Variants in NOVA1 observed in about 807,000 individuals in gnomAD.
NOVA1 encodes RNA-binding protein Nova-1.
A neutral mutation model predicts 38.0 loss-of-function variants in NOVA1; 7 were observed. The observed-to-expected ratio is 0.18, with a 90% CI of 0.10 to 0.35. The LOEUF (loss-of-function observed/expected upper bound fraction) is 0.35, where lower values mean the gene tolerates loss of function less well. Ranked by LOEUF, NOVA1 falls within the 10% of genes least tolerant of loss-of-function variation. The pLI is 1.00. For synonymous variants in NOVA1, 270 were observed against 232.5 expected, an observed-to-expected ratio of 1.16 and a Z score of -1.47; for missense variants, 460 against 616.0, an observed-to-expected ratio of 0.75 and a Z score of 2.68.
intron 2 of NOVA1, among the ~76,000 whole-genome samples, chr14:26,585,972 T>G (rs756342565): frequency 6.6e-6 from 1 of 151,442 alleles, no homozygotes; most frequent in Non-Finnish European, 1.5e-5. Flanking sequence ...CATGAGCACT[T>G]CACAGAAGAA....
At chr14:26,556,672 C>T (rs1426619845) in intron 2 of NOVA1, among the ~76,000 whole-genome samples, 1 of 152,080 alleles carries the variant, frequency 6.6e-6, no homozygotes, top group Non-Finnish European at 1.5e-5. Context: ...AAAATTAAAA[C>T]TTCTGCTCTG....
At chr14:26,555,933 CAAT>C (rs1401884232) in intron 2 of NOVA1, among the ~76,000 whole-genome samples, 21 of 152,104 alleles carry the variant, frequency 1.4e-4, no homozygotes, top group Admixed American at 1.0e-3. Flanking sequence ...AGAAAAAGTT[CAAT>C]ATAAAACTAA....
At chr14:26,513,019 T>TC (rs61571678) in intron 2 of NOVA1, among the ~76,000 whole-genome samples, 9,079 of 152,064 alleles carry the variant, frequency 0.06, 780 homozygotes, top group African/African-American at 0.19. Flanking sequence ...TAGAAATGTA[T>TC]ATACATACTT....
chr14:26,532,874 T>C (rs889666441), intron 2 of NOVA1, among the ~76,000 whole-genome samples: 1 of 152,214 alleles, frequency 6.6e-6, no homozygotes, highest in Non-Finnish European at 1.5e-5. Flanking sequence ...AGTGAAGATG[T>C]ACTAAAAACA....
intron 2 of NOVA1, among the ~76,000 whole-genome samples, chr14:26,547,319 TAAACA>T (rs1456677848): frequency 2.6e-5 from 4 of 152,038 alleles, no homozygotes; most frequent in African/African-American, 9.7e-5. Flanking sequence ...CTAAATAAAC[TAAACA>T]AATGTTCCAA....
At chr14:26,455,623 C>T (rs916082842) in intron 4 of NOVA1, among the ~76,000 whole-genome samples, 5 of 151,864 alleles carry the variant, frequency 3.3e-5, no homozygotes, top group Non-Finnish European at 5.9e-5. Flanking sequence ...TTTCACTTTG[C>T]TCCTGAAACA....
At chr14:26,500,966 C>T (rs1432820005) in intron 2 of NOVA1, among the ~76,000 whole-genome samples, 1 of 151,930 alleles carries the variant, frequency 6.6e-6, no homozygotes, top group Non-Finnish European at 1.5e-5. Flanking sequence ...CAGTGCTCAT[C>T]AGCAGATTAA....
intron 2 of NOVA1, among the ~76,000 whole-genome samples, chr14:26,533,629 A>G (rs1889873260): frequency 6.6e-6 from 1 of 152,168 alleles, no homozygotes; most frequent in Non-Finnish European, 1.5e-5. Context: ...TGCTGCCTGT[A>G]TTCATGAGGA....
intron 4 of NOVA1, 133 bp downstream of exon 4, chr14:26,472,187 G>A: frequency 1.6e-6 from 1 of 620,054 alleles, no homozygotes; most frequent in Non-Finnish European, 3.0e-6. Context: ...TCTTTCTTAG[G>A]TTATTTGGAA....
chr14:26,567,517 A>T (rs1892209932), intron 2 of NOVA1, among the ~76,000 whole-genome samples: 1 of 151,952 alleles, frequency 6.6e-6, no homozygotes, highest in African/African-American at 2.4e-5. Flanking sequence ...GCTGGTCTCG[A>T]ACTCCTGGAC....
At chr14:26,504,933 C>T (rs1263423725) in intron 2 of NOVA1, among the ~76,000 whole-genome samples, 1 of 152,074 alleles carries the variant, frequency 6.6e-6, no homozygotes, top group African/African-American at 2.4e-5. Flanking sequence ...CTCTCTCTTC[C>T]TTAACTTGTG....
rs761407357 is a variant in NOVA1 at position 26,585,389 on chromosome 14, T to C, written c.280+10021A>G. Among the ~76,000 whole-genome samples, 291 of 151,272 alleles carry C rather than the reference T, an allele frequency of 1.9e-3. 2 individuals carry two copies. The highest frequency in any genetic ancestry group is 3.6e-3 in the Non-Finnish European group (241 of 67,386). On this transcript the variant is annotated intron_variant, in intron 2 of 4. Coordinates refer to ENST00000539517, the MANE Select transcript of NOVA1 (RefSeq NM_002515.3). ...TTTCTTGGCACATTAGAAAAGTAAA[T>C]TGTCCAGTTTCTCAATGTAACAATG... is the stretch of plus-strand genomic sequence containing the variant.
chr14:26,539,343 A>T (rs1271478094), intron 2 of NOVA1, among the ~76,000 whole-genome samples: 3 of 152,208 alleles, frequency 2.0e-5, no homozygotes, highest in Admixed American at 6.5e-5. Context: ...GATAGTTATA[A>T]TATGAAAGCA....
At chr14:26,557,730 T>A (rs2138669924) in intron 2 of NOVA1, among the ~76,000 whole-genome samples, 1 of 152,198 alleles carries the variant, frequency 6.6e-6, no homozygotes, top group East Asian at 1.9e-4. Context: ...AGCATACTTT[T>A]AACATACAAT....
intron 2 of NOVA1, among the ~76,000 whole-genome samples, chr14:26,491,181 A>T (rs191789713): frequency 9.4e-4 from 142 of 150,488 alleles, no homozygotes; most frequent in Non-Finnish European, 1.4e-3. Context: ...AATTAAAAAA[A>T]TTTTTTTTGA....
At chr14:26,536,872 A>G (rs1303252363) in intron 2 of NOVA1, among the ~76,000 whole-genome samples, 2 of 152,108 alleles carry the variant, frequency 1.3e-5, no homozygotes, top group African/African-American at 4.8e-5. Flanking sequence ...AAAGCACACA[A>G]TATCAGGAAT....
Position 26,597,795 on chromosome 14 carries a change from G to T in NOVA1, c.-359C>A. On this transcript the variant is annotated 5_prime_UTR_variant, in exon 1 of 5. It adds an upstream start codon to the 5' untranslated region. Transcript: ENST00000539517. ...CGGGAGGAGGGGACCGGGGAGGACA[G>T]GCAGAGGGAGTGGGAGAGCGCGAGG... 1.5e-6 allele frequency: 1 copy of T among 669,760 alleles called. No homozygotes were observed. Among genetic ancestry groups the T allele is most frequent in the Non-Finnish European group, 1.9e-6 (1 of 536,184 alleles). The allele number at this position is 669,760 out of a possible 1,614,324, so 41.5% of individuals were successfully genotyped here.
intron 2 of NOVA1, among the ~76,000 whole-genome samples, chr14:26,583,452 T>C (rs1893336628): frequency 6.6e-6 from 1 of 151,604 alleles, no homozygotes; most frequent in South Asian, 2.1e-4. Context: ...TACTGAATTA[T>C]GAATAGCACT....
At chr14:26,477,237 T>C (rs925179154) in intron 3 of NOVA1, among the ~76,000 whole-genome samples, 1 of 152,204 alleles carries the variant, frequency 6.6e-6, no homozygotes, top group African/African-American at 2.4e-5. Flanking sequence ...TTTTTGTCAA[T>C]TTATCATGAC....
Sources: allele counts gnomAD v4.1 joint callset (sites outside exome capture counted in the v4.1 genomes callset), GRCh38; gene constraint gnomAD v4.1.1; transcripts MANE v1.5; gene names NCBI Gene and HGNC (gene_info 2026-07-23, HGNC 2026-07-21).